Variants in STXBP5L observed in about 807,000 individuals in gnomAD.
STXBP5L encodes syntaxin binding protein 5L, also known as syntaxin-binding protein 5-like.
STXBP5L carries 65 observed loss-of-function variants against 144.5 expected under a neutral mutation model. The ratio of observed to expected loss-of-function variants is 0.45; its 90% CI spans 0.37 to 0.55. The LOEUF (loss-of-function observed/expected upper bound fraction) is 0.55, where lower values mean the gene tolerates loss of function less well. Among genes scored for constraint, STXBP5L ranks in the 20% least tolerant of loss-of-function variants. STXBP5L has a pLI of 0.00. For synonymous variants in STXBP5L, 505 were observed against 469.6 expected (o/e 1.08, Z -0.97); for missense variants, 1,298 against 1,405.5 (o/e 0.92, Z 1.22).
At chr3:121,329,389 G>C (rs1317661568) in intron 20 of STXBP5L, among the ~76,000 whole-genome samples, 2 of 152,130 alleles carry the variant, frequency 1.3e-5, no homozygotes, top group East Asian at 3.8e-4. Context: ...GCAAGAACTA[G>C]TTAATTACTC....
chr3:121,030,755 A>G (rs1162906850), intron 3 of STXBP5L, among the ~76,000 whole-genome samples: 1 of 151,932 alleles, frequency 6.6e-6, no homozygotes, highest in Admixed American at 6.6e-5. Context: ...GGGCTCAGCC[A>G]TCTGTGTATT....
intron 5 of STXBP5L, among the ~76,000 whole-genome samples, chr3:121,105,484 T>C (rs1009784430): frequency 3.6e-4 from 54 of 152,010 alleles, no homozygotes; most frequent in Non-Finnish European, 4.7e-4. Flanking sequence ...ATCAGGGAAA[T>C]GCAAATCAAA....
At chr3:121,121,011 G>C (rs913471535) in intron 6 of STXBP5L, among the ~76,000 whole-genome samples, 5 of 151,170 alleles carry the variant, frequency 3.3e-5, no homozygotes, top group Non-Finnish European at 5.9e-5. Context: ...GATTGATAGA[G>C]AGAGCCCAGG....
intron 5 of STXBP5L, among the ~76,000 whole-genome samples, chr3:121,091,101 C>T (rs367914920): frequency 6.7e-6 from 1 of 150,082 alleles, no homozygotes; most frequent in Non-Finnish European, 1.5e-5. Context: ...CTACAAAGGA[C>T]ATGAACTCAT....
At chr3:121,325,741 A>G (rs2044122228) in intron 20 of STXBP5L, among the ~76,000 whole-genome samples, 1 of 152,050 alleles carries the variant, frequency 6.6e-6, no homozygotes, top group Non-Finnish European at 1.5e-5. Flanking sequence ...ACTAAAAATT[A>G]TAATCAACAT....
At chr3:121,034,940 G>C (rs904780605) in intron 3 of STXBP5L, among the ~76,000 whole-genome samples, 1 of 152,038 alleles carries the variant, frequency 6.6e-6, no homozygotes, top group Non-Finnish European at 1.5e-5. Context: ...TCTCATTGTG[G>C]TTTTAATTTG....
intron 3 of STXBP5L, among the ~76,000 whole-genome samples, chr3:121,031,992 G>A (rs551520788): frequency 4.3e-4 from 66 of 152,206 alleles, no homozygotes; most frequent in African/African-American, 1.5e-3. Context: ...TTTGTTACGT[G>A]CTAAGTATAA....
chr3:121,025,852 G>T (rs1399995991), intron 3 of STXBP5L, among the ~76,000 whole-genome samples: 2 of 145,986 alleles, frequency 1.4e-5, no homozygotes, highest in Non-Finnish European at 3.0e-5. Context: ...ATTTTTAAAA[G>T]TATATCATTA....
chr3:121,076,567 A>G (rs1386194826), intron 5 of STXBP5L, among the ~76,000 whole-genome samples: 3 of 152,044 alleles, frequency 2.0e-5, no homozygotes, highest in Non-Finnish European at 4.4e-5. Context: ...AGGAGTCGAT[A>G]TGTGGAAACT....
At chr3:121,392,321 T>C (rs958826026) in intron 22 of STXBP5L, among the ~76,000 whole-genome samples, 1 of 152,124 alleles carries the variant, frequency 6.6e-6, no homozygotes, top group Non-Finnish European at 1.5e-5. Flanking sequence ...TTCCCTTGGC[T>C]AGGAAAGGGA....
At position 120,974,757 on chromosome 3, in the gene STXBP5L, A is replaced by T. The variant is rs890834206; in HGVS notation, c.287+19720A>T. ...AAGAGATCCAGTTTCAGCTTTCTAC[A>T]TATGGCTAGCCAGTTTTCCCAGCAC... On this transcript the variant is annotated intron_variant, in intron 3 of 26. Transcript: ENST00000471454. Among the ~76,000 whole-genome samples, 4 of 152,308 alleles carry T rather than the reference A, an allele frequency of 2.6e-5. No homozygotes were observed. In the South Asian group the frequency reaches 8.3e-4, roughly 32 times the overall value.
intron 3 of STXBP5L, among the ~76,000 whole-genome samples, chr3:120,962,950 T>C (rs1439184116): frequency 1.3e-5 from 2 of 152,220 alleles, no homozygotes; most frequent in African/African-American, 2.4e-5. Flanking sequence ...TTTTATTTCA[T>C]TGAGCAGTGG....
chr3:121,411,244 G>A (rs1208122815), intron 23 of STXBP5L, among the ~76,000 whole-genome samples: 1 of 152,072 alleles, frequency 6.6e-6, no homozygotes, highest in Non-Finnish European at 1.5e-5. Flanking sequence ...ATATTGGACA[G>A]CACAGTGCTT....
chr3:121,127,298 T>C (rs901086400), intron 7 of STXBP5L, among the ~76,000 whole-genome samples: 2 of 152,050 alleles, frequency 1.3e-5, no homozygotes, highest in African/African-American at 4.8e-5. Flanking sequence ...GTATATTAGT[T>C]TCCTATGGCT....
At chr3:121,400,618 T>C (rs777563690) in intron 22 of STXBP5L, among the ~76,000 whole-genome samples, 2 of 152,236 alleles carry the variant, frequency 1.3e-5, no homozygotes, top group Non-Finnish European at 2.9e-5. Flanking sequence ...TGAAGTCATG[T>C]GGTGAGACCC....
At chr3:121,415,817 T>C in intron 24 of STXBP5L, 40 bp from the exon 25 acceptor site, 1 of 1,419,028 alleles carries the variant, frequency 7.0e-7, no homozygotes, top group South Asian at 1.2e-5. Flanking sequence ...TAATTGATTT[T>C]TTAGTTGTTC....
At chr3:121,215,291 A>G (rs1243156937) in intron 10 of STXBP5L, among the ~76,000 whole-genome samples, 2 of 152,116 alleles carry the variant, frequency 1.3e-5, no homozygotes, top group African/African-American at 4.8e-5. Flanking sequence ...CAGTTTCTTC[A>G]TAGTGTCTAT....
intron 4 of STXBP5L, 21 bp from the exon 5 acceptor site, chr3:121,045,414 T>G (rs749288206): frequency 2.5e-6 from 4 of 1,591,466 alleles, no homozygotes; most frequent in Non-Finnish European, 3.4e-6. Flanking sequence ...ACACACTTAC[T>G]TTATCTTCTT....
intron 9 of STXBP5L, among the ~76,000 whole-genome samples, chr3:121,193,095 G>C (rs751997686): frequency 7.0e-6 from 1 of 142,158 alleles, no homozygotes; most frequent in Non-Finnish European, 1.5e-5. Flanking sequence ...CTAATATCCA[G>C]AATCTACAAA....
Sources: gnomAD v4.1 joint callset for allele counts (sites outside exome capture counted in the v4.1 genomes callset) on GRCh38, gnomAD v4.1.1 for gene constraint, MANE v1.5 for transcripts, NCBI Gene and HGNC (gene_info 2026-07-23, HGNC 2026-07-21) for gene names.